Variants in CDH13 observed in about 807,000 individuals in gnomAD.
The protein encoded by CDH13 is cadherin 13.
A neutral mutation model predicts 63.8 loss-of-function variants in CDH13; 24 were observed. The ratio of observed to expected loss-of-function variants is 0.38; its 90% confidence interval spans 0.27 to 0.53. The LOEUF (loss-of-function observed/expected upper bound fraction) is 0.53. Ranked by LOEUF, CDH13 falls within the 20% of genes least tolerant of loss-of-function variation. The pLI is 0.85. For synonymous variants in CDH13, 503 were observed against 355.3 expected (o/e 1.42, Z -4.67); for missense variants, 1,049 against 903.1 (o/e 1.16, Z -2.07).
At chr16:83,408,386 C>T (rs538097743) in intron 6 of CDH13, among the ~76,000 whole-genome samples, 164 of 152,240 alleles carry the variant, frequency 1.1e-3, no homozygotes, top group South Asian at 7.3e-3. Flanking sequence ...AGTGCACTTA[C>T]GCAAATCTAG....
chr16:82,940,822 T>C (rs1440085457), intron 2 of CDH13, among the ~76,000 whole-genome samples: 1 of 152,180 alleles, frequency 6.6e-6, no homozygotes, highest in African/African-American at 2.4e-5. Flanking sequence ...GTCCCATGAC[T>C]CCTAATTGTT....
At position 83,460,995 on chromosome 16, in the gene CDH13, G is replaced by GCACACACACACA. The variant is rs35631596; in HGVS notation, c.782-25467_782-25456dup. 5.7e-4 allele frequency among the ~76,000 whole-genome samples: 85 copies of GCACACACACACA among 147,906 alleles called. No homozygotes were observed. The Middle Eastern group carries it at 0.01, about 18-fold the overall frequency. On this transcript the variant is annotated intron_variant, in intron 6 of 13. Coordinates refer to ENST00000567109, the MANE Select transcript of CDH13 (RefSeq NM_001257.5). ...ACCTTGTCTCAAAACACACACACAC[G>GCACACACACACA]CACACACACACACACACACACACAC...
intron 2 of CDH13, among the ~76,000 whole-genome samples, chr16:82,930,589 T>C (rs1347094263): frequency 6.6e-6 from 1 of 152,152 alleles, no homozygotes; most frequent in Admixed American, 6.5e-5. Flanking sequence ...AGAGCCATAA[T>C]TGCAAAAAGA....
intron 5 of CDH13, among the ~76,000 whole-genome samples, chr16:83,276,925 G>A (rs112128985): frequency 6.6e-6 from 1 of 152,110 alleles, no homozygotes; most frequent in East Asian, 1.9e-4. Flanking sequence ...CAGGCAGAGA[G>A]AGTATGTGCA....
chr16:82,865,099 C>T (rs2040080344), intron 2 of CDH13, among the ~76,000 whole-genome samples: 1 of 152,248 alleles, frequency 6.6e-6, no homozygotes, highest in East Asian at 1.9e-4. Context: ...TTCTCACAGT[C>T]TTGGGCAGTT....
At chr16:83,507,072 A>C (rs1269111720) in intron 7 of CDH13, among the ~76,000 whole-genome samples, 1 of 152,222 alleles carries the variant, frequency 6.6e-6, no homozygotes, top group Admixed American at 6.5e-5. Context: ...CTGTTTCACC[A>C]GCTAAAATTG....
chr16:83,368,937 T>TATACATAC (rs1567622155), intron 6 of CDH13, among the ~76,000 whole-genome samples: 1 of 68,942 alleles, frequency 1.5e-5, no homozygotes, highest in African/African-American at 5.9e-5. Flanking sequence ...TATATATATA[T>TATACATAC]ACTAGGTTTT....
intron 5 of CDH13, among the ~76,000 whole-genome samples, chr16:83,229,514 G>A (rs993277833): frequency 2.0e-5 from 3 of 151,792 alleles, no homozygotes; most frequent in Non-Finnish European, 2.9e-5. Context: ...TCTTCTACGG[G>A]GGTTTATCAG....
Position 83,798,441 on chromosome 16 carries a change from T to C in CDH13, c.*3411T>C, listed in dbSNP as rs560396679. 1.6e-4 allele frequency: 25 copies of C among 152,358 alleles called. No homozygotes were observed. The highest frequency in any genetic ancestry group is 5.8e-4 in the African/African-American group (24 of 41,594). 9.4% of individuals were successfully genotyped at this position (152,358 alleles called of 1,614,324 possible). ...TCAACTGCTTATTATGTGCCCACAC[T>C]GTACAAAATCCTTACAGATAGTAAC... On this transcript the variant is annotated 3_prime_UTR_variant, in exon 14 of 14. Coordinates refer to ENST00000567109, the MANE Select transcript of CDH13 (RefSeq NM_001257.5).
At chr16:83,570,962 TATATATATAA>T (rs201089256) in intron 7 of CDH13, among the ~76,000 whole-genome samples, 3,572 of 138,778 alleles carry the variant, frequency 0.026, 126 homozygotes, top group African/African-American at 0.062. Flanking sequence ...TATATATATA[TATATATATAA>T]AAACCTTCTG....
At chr16:83,370,411 T>C (rs2091344319) in intron 6 of CDH13, among the ~76,000 whole-genome samples, 1 of 151,408 alleles carries the variant, frequency 6.6e-6, no homozygotes, top group Non-Finnish European at 1.5e-5. Flanking sequence ...AAAACTTCCA[T>C]ATTTTCAGTT....
chr16:82,638,643 C>CA (rs1290779977), intron 1 of CDH13, among the ~76,000 whole-genome samples: 1 of 151,942 alleles, frequency 6.6e-6, no homozygotes, highest in Non-Finnish European at 1.5e-5. Context: ...AATGCGTGGA[C>CA]ATTAAAAAAA....
intron 2 of CDH13, among the ~76,000 whole-genome samples, chr16:82,913,641 C>T (rs1423549040): frequency 6.6e-6 from 1 of 152,134 alleles, no homozygotes. Context: ...AAGATGCGAT[C>T]GCTGACGAGA....
intron 5 of CDH13, among the ~76,000 whole-genome samples, chr16:83,333,760 C>G (rs960653114): frequency 6.6e-6 from 1 of 152,194 alleles, no homozygotes; most frequent in African/African-American, 2.4e-5. Flanking sequence ...AGCATGATCA[C>G]ATGACCCATT....
At chr16:83,756,099 A>G (rs1213459509) in intron 11 of CDH13, among the ~76,000 whole-genome samples, 1 of 152,158 alleles carries the variant, frequency 6.6e-6, no homozygotes, top group African/African-American at 2.4e-5. Context: ...CCCTTAGGGT[A>G]ATCACTAAAA....
chr16:82,717,977 C>T (rs1028329794), intron 1 of CDH13, among the ~76,000 whole-genome samples: 3 of 152,182 alleles, frequency 2.0e-5, no homozygotes, highest in Non-Finnish European at 4.4e-5. Context: ...TGAGACCTGA[C>T]CCATTCTGTG....
intron 3 of CDH13, among the ~76,000 whole-genome samples, chr16:83,053,649 T>C (rs1597232155): frequency 6.6e-6 from 1 of 152,086 alleles, no homozygotes; most frequent in South Asian, 2.1e-4. Flanking sequence ...ATCCTGTAAA[T>C]ATTAACCAAG....
At chr16:82,694,504 CTTTA>C (rs1218620558) in intron 1 of CDH13, among the ~76,000 whole-genome samples, 1 of 152,166 alleles carries the variant, frequency 6.6e-6, no homozygotes, top group African/African-American at 2.4e-5. Context: ...TTTATCTCAA[CTTTA>C]TTTATCTTAT....
intron 3 of CDH13, among the ~76,000 whole-genome samples, chr16:83,111,831 A>G (rs1195515235): frequency 6.6e-6 from 1 of 152,090 alleles, no homozygotes; most frequent in Non-Finnish European, 1.5e-5. Context: ...CAAAAACCTA[A>G]AGAGAAAGAG....
Sources: allele counts gnomAD v4.1 joint callset (sites outside exome capture counted in the v4.1 genomes callset), GRCh38; gene constraint gnomAD v4.1.1; transcripts MANE v1.5; gene names NCBI Gene and HGNC (gene_info 2026-07-23, HGNC 2026-07-21).